C3orf20: variants seen among roughly 807,000 people sequenced by gnomAD.
The protein encoded by C3orf20 is family with sequence similarity 149 member C.
C3orf20 carries 76 observed loss-of-function variants against 88.3 expected under a neutral mutation model. The observed-to-expected ratio is 0.86, with a 90% CI of 0.72 to 1.04. C3orf20 has a LOEUF of 1.04. Among genes scored for constraint, C3orf20 ranks in the 50% least tolerant of loss-of-function variants. The pLI is 0.00. For missense variants in C3orf20, 1,056 were observed against 1,123.3 expected (o/e 0.94, Z 0.86); for synonymous variants, 436 against 437.4 (o/e 1.00, Z 0.04).
chr3:14,756,892 G>A (rs1175779694), intron 12 of C3orf20, among the ~76,000 whole-genome samples: 1 of 152,204 alleles, frequency 6.6e-6, no homozygotes, highest in African/African-American at 2.4e-5. Context: ...GGTTTTAACA[G>A]GATCCCTTGG....
chr3:14,680,647 CAATA>C (rs978177807), intron 1 of C3orf20, among the ~76,000 whole-genome samples: 1 of 152,250 alleles, frequency 6.6e-6, no homozygotes, highest in Admixed American at 6.5e-5. Flanking sequence ...AATTCTATCT[CAATA>C]AAGCTGTTCA....
intron 12 of C3orf20, among the ~76,000 whole-genome samples, chr3:14,747,939 G>A (rs562967787): frequency 2.6e-4 from 39 of 151,786 alleles, no homozygotes; most frequent in Non-Finnish European, 1.0e-4. Flanking sequence ...TATTAATAAG[G>A]GATATTTGTC....
intron 10 of C3orf20, chr3:14,722,371 A>G (rs2034194039): frequency 2.4e-6 from 1 of 425,068 alleles, no homozygotes; most frequent in Non-Finnish European, 4.7e-6. Context: ...CCCATTGACT[A>G]GGCTTGAGGC....
chr3:14,681,607 G>A (rs183203437), intron 1 of C3orf20, among the ~76,000 whole-genome samples: 210 of 152,328 alleles, frequency 1.4e-3, no homozygotes, highest in African/African-American at 4.9e-3. Context: ...GGATTCTTGA[G>A]TCTTTCACGG....
intron 9 of C3orf20, among the ~76,000 whole-genome samples, chr3:14,721,039 C>T (rs2124974029): frequency 6.6e-6 from 1 of 152,296 alleles, no homozygotes; most frequent in African/African-American, 2.4e-5. Context: ...AAAGGAAATC[C>T]CACTCTTTTG....
chr3:14,715,233 A>G, intron 8 of C3orf20, 56 bp from the exon 9 acceptor site: 2 of 1,589,420 alleles, frequency 1.3e-6, no homozygotes, highest in East Asian at 4.5e-5. Context: ...ACCTGCGGTG[A>G]TGAGAGCTTC....
Position 14,772,882 on chromosome 3 carries a change from C to A in C3orf20, c.*7C>A. The A allele has an allele frequency of 6.2e-7, 1 of 1,612,402 alleles. No individual in the cohort carries two copies. The highest frequency in any genetic ancestry group is 8.5e-7 in the Non-Finnish European group (1 of 1,178,766). On this transcript the variant is annotated 3_prime_UTR_variant, in exon 17 of 17. Transcript: ENST00000253697. The surrounding 1 kb of genome is among the most constrained non-coding windows in gnomAD (Gnocchi z 4.2). Reference sequence around the variant, plus strand: ...GCAGGCCTCCAAGAAGTAGCGCCATCCTGGCAGCAGCCAAGTGAGCCAGGC... The same window carrying A: ...GCAGGCCTCCAAGAAGTAGCGCCATACTGGCAGCAGCCAAGTGAGCCAGGC...
intron 9 of C3orf20, among the ~76,000 whole-genome samples, chr3:14,719,564 G>A (rs1559418623): frequency 6.6e-6 from 1 of 152,152 alleles, no homozygotes; most frequent in Non-Finnish European, 1.5e-5. Context: ...ATCTCTCTGG[G>A]CTACTGTGAC....
intron 15 of C3orf20, among the ~76,000 whole-genome samples, chr3:14,763,402 G>A (rs1424342577): frequency 6.6e-6 from 1 of 152,058 alleles, no homozygotes; most frequent in African/African-American, 2.4e-5. Context: ...GAAAGGACAA[G>A]GGTCTCTCTG....
chr3:14,691,854 T>C lies in C3orf20; in HGVS notation c.745+1738T>C, dbSNP rs554340788. ...TGTGCTATCAAATACTAGGTCTTAT[T>C]CATTCTTACTGTTTTTTTTGTATCC... is the stretch of plus-strand genomic sequence containing the variant. On this transcript the variant is annotated intron_variant, in intron 5 of 16. Transcript: ENST00000253697. Among the ~76,000 whole-genome samples, 11 of 152,340 alleles carry C rather than the reference T, an allele frequency of 7.2e-5. No individual in the cohort carries two copies. The East Asian group carries it at 9.6e-4, about 13-fold the overall frequency.
intron 9 of C3orf20, among the ~76,000 whole-genome samples, chr3:14,716,507 TCTC>T (rs2033946263): frequency 6.6e-6 from 1 of 152,120 alleles, no homozygotes; most frequent in South Asian, 2.1e-4. Context: ...GGCCACTGAC[TCTC>T]CTCCTTATGC....
chr3:14,727,585 C>T lies in C3orf20; in HGVS notation c.1690+561C>T, dbSNP rs578019122. On this transcript the variant is annotated intron_variant, in intron 11 of 16. Coordinates refer to ENST00000253697, the MANE Select transcript of C3orf20 (RefSeq NM_032137.5). Reference sequence around the variant, plus strand: ...GGCCTGGGAACAAGGATACATTGATCCTATTCTGTGTCACCCCCTGGCTGG... The same window carrying T: ...GGCCTGGGAACAAGGATACATTGATTCTATTCTGTGTCACCCCCTGGCTGG... 3.6e-3 allele frequency among the ~76,000 whole-genome samples: 547 copies of T among 152,104 alleles called. 4 individuals carry two copies. The highest frequency in any genetic ancestry group is 0.012 in the African/African-American group (510 of 41,490).
chr3:14,735,357 A>G (rs2034672898), intron 12 of C3orf20, among the ~76,000 whole-genome samples: 1 of 151,690 alleles, frequency 6.6e-6, no homozygotes, highest in Non-Finnish European at 1.5e-5. Flanking sequence ...AAGTTTCTCC[A>G]TATATTATTT....
intron 4 of C3orf20, 104 bp from the exon 5 acceptor site, chr3:14,689,893 T>C: frequency 4.0e-6 from 6 of 1,484,968 alleles, no homozygotes; most frequent in African/African-American, 1.4e-5. Context: ...CTTTACAGTA[T>C]GTGACCCACC....
chr3:14,732,118 A>G (rs1230901360), intron 12 of C3orf20, among the ~76,000 whole-genome samples: 1 of 152,238 alleles, frequency 6.6e-6, no homozygotes, highest in Non-Finnish European at 1.5e-5. Context: ...CCAACAATGT[A>G]TGAGAGTTCC....
chr3:14,734,496 G>C (rs577301556), intron 12 of C3orf20, among the ~76,000 whole-genome samples: 1 of 152,126 alleles, frequency 6.6e-6, no homozygotes, highest in African/African-American at 2.4e-5. Context: ...ACCATTTCGG[G>C]ATTGTCTAGT....
intron 1 of C3orf20, among the ~76,000 whole-genome samples, chr3:14,677,141 CAG>C (rs1471282377): frequency 3.3e-5 from 5 of 152,154 alleles, no homozygotes; most frequent in African/African-American, 1.2e-4. Context: ...TGATTAAAAT[CAG>C]AGAGCCAGAA....
chr3:14,753,430 A>G (rs1191344012), intron 12 of C3orf20, among the ~76,000 whole-genome samples: 2 of 152,238 alleles, frequency 1.3e-5, no homozygotes, highest in South Asian at 2.1e-4. Flanking sequence ...TGGCACATGT[A>G]TACCTATGTA....
At chr3:14,724,628 A>G (rs2034285082) in intron 10 of C3orf20, among the ~76,000 whole-genome samples, 1 of 152,240 alleles carries the variant, frequency 6.6e-6, no homozygotes, top group African/African-American at 2.4e-5. Context: ...CTTAGTGTGA[A>G]TTGAGAATGT....
Sources: allele counts gnomAD v4.1 joint callset (sites outside exome capture counted in the v4.1 genomes callset), GRCh38; gene constraint gnomAD v4.1.1; non-coding constraint Gnocchi (gnomAD v3.1); transcripts MANE v1.5; gene names NCBI Gene and HGNC (gene_info 2026-07-23, HGNC 2026-07-21).